Variants in STPG2 observed in about 807,000 individuals in gnomAD.
STPG2 encodes the protein sperm tail PG-rich repeat containing 2, also known as sperm-tail PG-rich repeat-containing protein 2.
In STPG2, 56 loss-of-function variants were observed where a neutral mutation model predicts 54.2. The ratio of observed to expected loss-of-function variants is 1.03; its 90% CI spans 0.83 to 1.29. The LOEUF is 1.29. STPG2 is among the 50% of genes most tolerant of loss of function. STPG2 has a pLI of 0.00. For synonymous variants in STPG2, 200 were observed against 181.8 expected, an observed-to-expected ratio of 1.10 and a Z score of -0.81; for missense variants, 596 against 544.9, an observed-to-expected ratio of 1.09 and a Z score of -0.93.
At chr4:97,668,920 T>A (rs918838746) in intron 10 of STPG2, among the ~76,000 whole-genome samples, 1 of 152,046 alleles carries the variant, frequency 6.6e-6, no homozygotes, top group African/African-American at 2.4e-5. Context: ...AATAAAGGTA[T>A]AGCACTTGAG....
intron 9 of STPG2, among the ~76,000 whole-genome samples, chr4:97,792,521 A>C (rs1727035323): frequency 6.6e-6 from 1 of 152,162 alleles, no homozygotes; most frequent in African/African-American, 2.4e-5. Flanking sequence ...AGCCTATATT[A>C]ATTGCTTCTA....
At chr4:97,699,086 C>T (rs1166935266) in intron 10 of STPG2, among the ~76,000 whole-genome samples, 1 of 152,172 alleles carries the variant, frequency 6.6e-6, no homozygotes, top group African/African-American at 2.4e-5. Flanking sequence ...TACAATCAAC[C>T]TGCTACCAGG....
At chr4:97,559,541 T>G (rs1387936086) in intron 10 of STPG2, among the ~76,000 whole-genome samples, 1 of 152,208 alleles carries the variant, frequency 6.6e-6, no homozygotes, top group African/African-American at 2.4e-5. Flanking sequence ...CAATTCTTTT[T>G]GTTCTTTATT....
At chr4:97,816,949 T>C (rs1489274799) in intron 9 of STPG2, among the ~76,000 whole-genome samples, 2 of 147,732 alleles carry the variant, frequency 1.4e-5, no homozygotes, top group Non-Finnish European at 3.0e-5. Flanking sequence ...CACATGTGTG[T>C]AGAAAATATA....
chr4:97,562,989 A>G (rs1031861823), intron 10 of STPG2, among the ~76,000 whole-genome samples: 24 of 152,138 alleles, frequency 1.6e-4, no homozygotes, highest in African/African-American at 5.1e-4. Context: ...CTCTTTTTCT[A>G]TTGATAGGAA....
chr4:97,520,549 T>G (rs1242725794), intron 4 of STPG2, among the ~76,000 whole-genome samples: 2 of 152,054 alleles, frequency 1.3e-5, no homozygotes, highest in African/African-American at 4.8e-5. Flanking sequence ...CACAAGTAAT[T>G]AAGTCAGGCT....
intron 10 of STPG2, among the ~76,000 whole-genome samples, chr4:97,564,218 G>A (rs1192294636): frequency 3.3e-5 from 5 of 149,714 alleles, no homozygotes; most frequent in Non-Finnish European, 7.4e-5. Context: ...GATCTTTGTT[G>A]GTTTAAAGTC....
chr4:97,550,451 G>T (rs531175017), intron 4 of STPG2, among the ~76,000 whole-genome samples: 1 of 152,224 alleles, frequency 6.6e-6, no homozygotes, highest in East Asian at 1.9e-4. Context: ...AGTGAAAAAG[G>T]ATACGGGGAA....
intron 4 of STPG2, among the ~76,000 whole-genome samples, chr4:97,448,013 C>T (rs1234211552): frequency 6.6e-6 from 1 of 152,176 alleles, no homozygotes; most frequent in Non-Finnish European, 1.5e-5. Context: ...TCAGCATGCC[C>T]TGGATGTGAG....
At chr4:97,465,364 T>C in intron 4 of STPG2, among the ~76,000 whole-genome samples, 1 of 152,172 alleles carries the variant, frequency 6.6e-6, no homozygotes, top group East Asian at 1.9e-4. Context: ...TTTCTTATTG[T>C]AAAGACAAGA....
chr4:97,663,871 T>C (rs1722446986), intron 10 of STPG2, among the ~76,000 whole-genome samples: 1 of 152,174 alleles, frequency 6.6e-6, no homozygotes, highest in Admixed American at 6.5e-5. Context: ...TGACACAAAT[T>C]CTATAGTTAA....
intron 9 of STPG2, among the ~76,000 whole-genome samples, chr4:97,792,671 A>G (rs1727038829): frequency 6.6e-6 from 1 of 151,422 alleles, no homozygotes; most frequent in South Asian, 2.1e-4. Flanking sequence ...AAGTCATACA[A>G]TATCTAGATA....
In STPG2 at chr4:98,003,889, A is replaced by G. The variant is rs570502110; in HGVS notation, c.613-22571T>C. Among the ~76,000 whole-genome samples, 7 of 152,184 alleles carry G rather than the reference A, an allele frequency of 4.6e-5. No individual in the cohort carries two copies. In the East Asian group the frequency reaches 1.3e-3, roughly 29 times the overall value. On this transcript the variant is annotated intron_variant, in intron 5 of 10. Coordinates refer to ENST00000295268, the MANE Select transcript of STPG2 (RefSeq NM_174952.3). Reference sequence around the variant, plus strand: ...TTGAAGTATAATAGACAAATTTTAAATTCTATACATTTAAGATGTACAATG... The same window carrying G: ...TTGAAGTATAATAGACAAATTTTAAGTTCTATACATTTAAGATGTACAATG...
chr4:97,450,233 T>A (rs552006361), intron 4 of STPG2, among the ~76,000 whole-genome samples: 1 of 152,264 alleles, frequency 6.6e-6, no homozygotes, highest in Non-Finnish European at 1.5e-5. Context: ...ATTTCATGAT[T>A]TATAGAAGAA....
intron 10 of STPG2, among the ~76,000 whole-genome samples, chr4:97,625,996 C>A (rs1734128296): frequency 6.6e-6 from 1 of 152,144 alleles, no homozygotes; most frequent in South Asian, 2.1e-4. Context: ...AGTTGGATGG[C>A]AAATTATCCA....
intron 1 of STPG2, among the ~76,000 whole-genome samples, chr4:98,142,669 G>T (rs1398184384): frequency 6.6e-6 from 1 of 152,124 alleles, no homozygotes; most frequent in East Asian, 1.9e-4. Context: ...AAGATGTGAG[G>T]CAGGCAGGAT....
At position 97,972,300 on chromosome 4, in the gene STPG2, G is replaced by C. The variant is rs201716501; in HGVS notation, c.913C>G (p.Pro305Ala). The change falls in exon 7 of 11, where the codon CCT becomes GCT. Residue 305 changes from proline to alanine, a missense_variant. Physicochemically the swap from Pro to Ala is conservative, Grantham distance 27 (BLOSUM62 -1). Coordinates refer to ENST00000295268, the MANE Select transcript of STPG2 (RefSeq NM_174952.3). ...ATTACCTGATAATCAGCAGGTCCAG[G>C]GGTAGCACAAGCTTCTTTCTGAACC... ...FSVQKEACAT[P>A]GPADYQEFWH... 7.9e-5 allele frequency: 126 copies of C among 1,600,422 alleles called. No individual in the cohort carries two copies. The highest frequency in any genetic ancestry group is 1.0e-4 in the Non-Finnish European group (120 of 1,173,592).
At chr4:97,767,362 G>A (rs988829979) in intron 9 of STPG2, among the ~76,000 whole-genome samples, 1 of 152,078 alleles carries the variant, frequency 6.6e-6, no homozygotes, top group African/African-American at 2.4e-5. Flanking sequence ...ATTTTTTAAA[G>A]ATTTTTACCA....
At chr4:98,063,924 G>A (rs1220868885) in intron 5 of STPG2, among the ~76,000 whole-genome samples, 3 of 151,758 alleles carry the variant, frequency 2.0e-5, no homozygotes, top group African/African-American at 7.3e-5. Flanking sequence ...GTGCACATGG[G>A]TAACAGAGTG....
Sources: allele counts gnomAD v4.1 joint callset (sites outside exome capture counted in the v4.1 genomes callset), GRCh38; gene constraint gnomAD v4.1.1; transcripts MANE v1.5; gene names NCBI Gene and HGNC (gene_info 2026-07-23, HGNC 2026-07-21).